RNF216: variants seen among roughly 807,000 people sequenced by gnomAD.
The protein encoded by RNF216 is E3 ubiquitin-protein ligase RNF216.
In RNF216, 72 loss-of-function variants were observed where a neutral mutation model predicts 110.8. The observed-to-expected ratio is 0.65, with a 90% CI of 0.54 to 0.79. The LOEUF is 0.79. Among genes scored for constraint, RNF216 ranks in the 30% least tolerant of loss-of-function variants. The pLI is 0.00. For missense variants in RNF216, 1,342 were observed against 1,141.2 expected (o/e 1.18, Z -2.54); for synonymous variants, 495 against 407.5 (o/e 1.21, Z -2.59).
At chr7:5,671,448 G>C (rs1354486132) in intron 13 of RNF216, among the ~76,000 whole-genome samples, 4 of 152,196 alleles carry the variant, frequency 2.6e-5, no homozygotes, top group African/African-American at 9.7e-5. Context: ...GGACTTTAAA[G>C]AGGTGATTAT....
intron 9 of RNF216, among the ~76,000 whole-genome samples, chr7:5,719,325 A>ATGAT (rs1202965471): frequency 6.6e-6 from 1 of 152,252 alleles, no homozygotes; most frequent in East Asian, 1.9e-4. Flanking sequence ...GCAGTAAGCC[A>ATGAT]TGATTGCATC....
chr7:5,762,905 G>T (rs1796008671), intron 1 of RNF216, among the ~76,000 whole-genome samples: 1 of 152,134 alleles, frequency 6.6e-6, no homozygotes, highest in Non-Finnish European at 1.5e-5. Context: ...GCAGAGTGGG[G>T]TAGTAGACTT....
At chr7:5,633,682 C>T (rs1017032450) in intron 15 of RNF216, among the ~76,000 whole-genome samples, 7 of 152,220 alleles carry the variant, frequency 4.6e-5, no homozygotes, top group South Asian at 2.1e-4. Context: ...CTCAGCAGGG[C>T]GCAGAAAGAA....
intron 13 of RNF216, among the ~76,000 whole-genome samples, chr7:5,666,904 G>A (rs1340246096): frequency 2.0e-5 from 3 of 149,646 alleles, no homozygotes; most frequent in African/African-American, 7.4e-5. Flanking sequence ...CTGGGCTCAA[G>A]CCTGGGCTCA....
At chr7:5,754,161 T>TGTGTGTGC (rs1554263566) in intron 2 of RNF216, among the ~76,000 whole-genome samples, 2 of 135,710 alleles carry the variant, frequency 1.5e-5, no homozygotes, top group African/African-American at 2.7e-5. Context: ...TGTGTGTGTG[T>TGTGTGTGC]GCGCATTTGT....
At chr7:5,694,631 A>AT (rs1276512458) in intron 13 of RNF216, among the ~76,000 whole-genome samples, 1 of 152,188 alleles carries the variant, frequency 6.6e-6, no homozygotes, top group African/African-American at 2.4e-5. Flanking sequence ...AAGCCAAAGG[A>AT]TGAGGCCCAC....
chr7:5,652,425 T>C lies in RNF216; in HGVS notation c.2147A>G (p.Tyr716Cys), dbSNP rs1022310483. 8.7e-6 allele frequency: 14 copies of C among 1,611,134 alleles called. No homozygotes were observed. The highest frequency in any genetic ancestry group is 1.2e-5 in the Non-Finnish European group (14 of 1,177,352). The change falls in exon 14 of 17, where the codon TAC (tyrosine) becomes TGC (cysteine). Residue 716 changes from tyrosine to cysteine, a missense_variant. Tyr to Cys is a radical substitution (Grantham distance 194). Transcript: ENST00000389902. ...EELAEKDDIK[Y>C]RTSIEEKMTA... ...TTCTGTTACTCACATAGAGGTACGGTACTTGATGTCGTCTTTTTCAGCCAG... is the reference window on the plus strand; with the variant it reads ...TTCTGTTACTCACATAGAGGTACGGCACTTGATGTCGTCTTTTTCAGCCAG...
chr7:5,628,884 T>A (rs545056380), intron 15 of RNF216, among the ~76,000 whole-genome samples: 1 of 152,076 alleles, frequency 6.6e-6, no homozygotes, highest in Non-Finnish European at 1.5e-5. Context: ...TCTGAAGCAT[T>A]TGAAATTCCT....
chr7:5,732,351 A>T lies in RNF216; in HGVS notation c.1122-1534T>A, dbSNP rs547481749. Among the ~76,000 whole-genome samples the T allele has an allele frequency of 1.2e-4, 18 of 152,352 alleles. 1 individual carries two copies. The South Asian group carries it at 3.7e-3, about 32-fold the overall frequency. On this transcript the variant is annotated intron_variant, in intron 5 of 16. Coordinates refer to ENST00000389902, the MANE Select transcript of RNF216 (RefSeq NM_207111.4). ...TGTGGCGACAAACCAGACACGGACTAGCTTTAAAATGGTCTGTTTTTACGT... is the reference window on the plus strand; with the variant it reads ...TGTGGCGACAAACCAGACACGGACTTGCTTTAAAATGGTCTGTTTTTACGT...
chr7:5,669,316 A>C (rs1789746112), intron 13 of RNF216, among the ~76,000 whole-genome samples: 1 of 152,210 alleles, frequency 6.6e-6, no homozygotes, highest in Non-Finnish European at 1.5e-5. Context: ...TCTATTTAGA[A>C]AAGAAATGAT....
At chr7:5,695,014 T>G (rs566280134) in intron 13 of RNF216, among the ~76,000 whole-genome samples, 1 of 152,260 alleles carries the variant, frequency 6.6e-6, no homozygotes, top group South Asian at 2.1e-4. Flanking sequence ...TGGCTCAACT[T>G]TAACTGAGCC....
rs145353709 is a variant in RNF216 at position 5,686,511 on chromosome 7, T to G, written c.2061+25250A>C. On this transcript the variant is annotated intron_variant, in intron 13 of 16. Transcript: ENST00000389902. ...TCTCTGGTTAAGTGCTGCTTAACCA[T>G]CAGTGCCTTTAGGAAAGCTGAGGCA... 2.0e-5 allele frequency among the ~76,000 whole-genome samples: 3 copies of G among 152,286 alleles called. No homozygotes were observed. In the East Asian group the frequency reaches 5.8e-4, roughly 29 times the overall value.
chr7:5,669,951 G>T (rs1399730345), intron 13 of RNF216, among the ~76,000 whole-genome samples: 2 of 151,100 alleles, frequency 1.3e-5, no homozygotes, highest in East Asian at 3.9e-4. Flanking sequence ...TTTTGAGATG[G>T]AGTCTCGCTC....
chr7:5,714,284 G>C (rs1452344209), intron 11 of RNF216, among the ~76,000 whole-genome samples: 3 of 150,544 alleles, frequency 2.0e-5, no homozygotes, highest in African/African-American at 7.3e-5. Flanking sequence ...TAGAGATGGA[G>C]TTTCACTCTT....
chr7:5,643,721 C>T (rs1181598379), intron 14 of RNF216, among the ~76,000 whole-genome samples: 1 of 152,164 alleles, frequency 6.6e-6, no homozygotes, highest in East Asian at 1.9e-4. Context: ...CTAACGTATA[C>T]AATTCAGGGA....
chr7:5,778,707 G>A (rs185798410), intron 1 of RNF216, among the ~76,000 whole-genome samples: 1 of 152,058 alleles, frequency 6.6e-6, no homozygotes, highest in South Asian at 2.1e-4. Context: ...ACAAGTTTTG[G>A]GACTAGATAT....
chr7:5,715,201 T>C lies in RNF216; in HGVS notation c.1696-11A>G. On this transcript the variant is annotated splice_polypyrimidine_tract_variant and intron_variant, in intron 10 of 16. Transcript: ENST00000389902. ...AATCAGCTGGCCATCCTGCAGGCAG[T>C]CAAGAAACACACATGAAATGTCCTG... 6.2e-7 allele frequency: 1 copy of C among 1,611,370 alleles called. No individual in the cohort carries two copies. The highest frequency in any genetic ancestry group is 8.5e-7 in the Non-Finnish European group (1 of 1,179,378).
intron 13 of RNF216, chr7:5,662,694 C>G (rs1584402131): frequency 1.3e-5 from 2 of 152,238 alleles, no homozygotes; most frequent in Middle Eastern, 6.8e-3. Flanking sequence ...TAAAACGAAG[C>G]CCTTGTCCTC....
intron 1 of RNF216, among the ~76,000 whole-genome samples, chr7:5,772,557 C>A (rs1281768615): frequency 1.3e-5 from 2 of 152,038 alleles, no homozygotes; most frequent in African/African-American, 4.8e-5. Context: ...TTTTCTTTGC[C>A]TTCCTGGGAG....
Sources: allele counts gnomAD v4.1 joint callset (sites outside exome capture counted in the v4.1 genomes callset), GRCh38; gene constraint gnomAD v4.1.1; transcripts MANE v1.5; gene names NCBI Gene and HGNC (gene_info 2026-07-23, HGNC 2026-07-21).